The following MAP3K2 variants were observed in gnomAD, a reference collection of about 807,000 sequenced individuals.
The protein encoded by MAP3K2 is MAP/ERK kinase kinase 2.
A neutral mutation model predicts 80.3 loss-of-function variants in MAP3K2; 24 were observed. That is an observed-to-expected ratio of 0.30 (90% confidence interval 0.22 to 0.42). MAP3K2 has a LOEUF of 0.42. Ranked by LOEUF, MAP3K2 falls within the 10% of genes least tolerant of loss-of-function variation. The pLI is 1.00. For synonymous variants in MAP3K2, 244 were observed against 253.7 expected, an observed-to-expected ratio of 0.96 and a Z score of 0.36; for missense variants, 608 against 750.1, an observed-to-expected ratio of 0.81 and a Z score of 2.21.
intron 5 of MAP3K2, among the ~76,000 whole-genome samples, chr2:127,330,854 A>G (rs1182708675): frequency 6.6e-6 from 1 of 152,234 alleles, no homozygotes. Context: ...CAAAGACCAT[A>G]TGAAATAAAG....
chr2:127,328,864 T>A (rs72845976), intron 7 of MAP3K2, among the ~76,000 whole-genome samples: 37,382 of 152,098 alleles, frequency 0.25, 4,823 homozygotes, highest in Middle Eastern at 0.31. Flanking sequence ...CATTTGTTTT[T>A]CCTCCTCTTT....
Position 127,307,311 on chromosome 2 carries a change from G to T in MAP3K2, c.*268C>A, listed in dbSNP as rs1421008946. ...CTAAAAAGAGTGACTATGTACTAAA[G>T]TGCTTTATCTCTCTGAACCACATCA... On this transcript the variant is annotated 3_prime_UTR_variant, in exon 17 of 17. Coordinates refer to ENST00000682094, the MANE Select transcript of MAP3K2 (RefSeq NM_001371910.2). The surrounding 1 kb of genome is among the most constrained non-coding windows in gnomAD (Gnocchi z 5.4). 1.4e-5 allele frequency: 3 copies of T among 213,054 alleles called. No homozygotes were observed. The highest frequency in any genetic ancestry group is 4.7e-5 in the African/African-American group (2 of 42,978). The allele number at this position is 213,054 out of a possible 1,614,324, so 13.2% of individuals were successfully genotyped here.
chr2:127,367,027 C>T (rs1470939687), intron 1 of MAP3K2, among the ~76,000 whole-genome samples: 1 of 152,066 alleles, frequency 6.6e-6, no homozygotes, highest in African/African-American at 2.4e-5. Context: ...TGCACCACCA[C>T]ACTCGGCTAA....
In MAP3K2 at chr2:127,322,695, G is replaced by A. The variant is rs1573983191; in HGVS notation, c.839-443C>T. Among the ~76,000 whole-genome samples the A allele has an allele frequency of 6.6e-6, 1 of 152,180 alleles. No individual in the cohort carries two copies. The highest frequency in any genetic ancestry group is 1.5e-5 in the Non-Finnish European group (1 of 67,996). On this transcript the variant is annotated intron_variant, in intron 11 of 16. Transcript: ENST00000682094. The surrounding 1 kb of genome is among the most constrained non-coding windows in gnomAD (Gnocchi z 4.2). ...TGCAACCTCCGCCTCCAGGGTTCAA[G>A]CGATTCTCCTGTCTCAGCCTCCCAA...
intron 4 of MAP3K2, among the ~76,000 whole-genome samples, chr2:127,337,006 G>A (rs955045629): frequency 6.6e-6 from 1 of 152,120 alleles, no homozygotes. Context: ...GCCAGGCATG[G>A]TGGCTGTTGC....
intron 1 of MAP3K2, among the ~76,000 whole-genome samples, chr2:127,372,937 G>A (rs1363320451): frequency 6.6e-6 from 1 of 152,172 alleles, no homozygotes; most frequent in Non-Finnish European, 1.5e-5. Flanking sequence ...TGCAACCTAT[G>A]GGGCCCCTTC....
chr2:127,322,222 G>A lies in MAP3K2; in HGVS notation c.869C>T (p.Thr290Ile). The change falls in exon 12 of 17, where the codon ACC (threonine) becomes ATC (isoleucine). Residue 290 changes from threonine (T) to isoleucine (I), a missense_variant. Physicochemically the swap from Thr to Ile is moderately conservative, Grantham distance 89. This residue lies in a region of MAP3K2 where 467 missense variants were observed against 521.9 expected (regional missense o/e 0.89). Coordinates refer to ENST00000682094, the MANE Select transcript of MAP3K2 (RefSeq NM_001371910.2). The surrounding 1 kb of genome is among the most constrained non-coding windows in gnomAD (Gnocchi z 4.2). Reference sequence around the variant, plus strand: ...AGGAGACCGTAAGCTGGTCCCCTGGGTCCTTCTAGCTCTTGGAAAAGTTTT... The same window carrying A: ...AGGAGACCGTAAGCTGGTCCCCTGGATCCTTCTAGCTCTTGGAAAAGTTTT... The part of the protein sequence containing the change: ...GRKTFPRARR[T>I]QGTSLRSPVS... The A allele has an allele frequency of 1.2e-6, 2 of 1,613,862 alleles. No homozygotes were observed. The highest frequency in any genetic ancestry group is 1.7e-6 in the Non-Finnish European group (2 of 1,179,826).
At chr2:127,362,029 C>A (rs866783454) in intron 1 of MAP3K2, among the ~76,000 whole-genome samples, 1 of 152,130 alleles carries the variant, frequency 6.6e-6, no homozygotes, top group Admixed American at 6.5e-5. Flanking sequence ...CAACTCTAAG[C>A]GGCAAATTGA....
intron 7 of MAP3K2, among the ~76,000 whole-genome samples, chr2:127,329,052 A>T (rs1274608610): frequency 6.6e-6 from 1 of 152,228 alleles, no homozygotes; most frequent in Admixed American, 6.5e-5. Flanking sequence ...AACAGACAGA[A>T]TGGGGAGTTG....
At chr2:127,368,285 G>A (rs2104883197) in intron 1 of MAP3K2, among the ~76,000 whole-genome samples, 1 of 151,586 alleles carries the variant, frequency 6.6e-6, no homozygotes, top group Admixed American at 6.6e-5. Flanking sequence ...TCACACCACT[G>A]CACTCCAGCC....
intron 1 of MAP3K2, among the ~76,000 whole-genome samples, chr2:127,358,138 A>T (rs2104868896): frequency 6.6e-6 from 1 of 152,348 alleles, no homozygotes; most frequent in South Asian, 2.1e-4. Flanking sequence ...AAAGACAAAC[A>T]TTAAGATTAG....
chr2:127,308,769 A>G lies in MAP3K2; in HGVS notation c.1457-7T>C. ...TCTCGCAGGATATTTGCGCCTAAAA[A>G]TAAGACATTGCCTCATTTCATTAAT... On this transcript the variant is annotated splice_polypyrimidine_tract_variant and splice_region_variant and intron_variant, in intron 15 of 16. Transcript: ENST00000682094. 1 of 1,611,092 alleles carries G rather than the reference A, an allele frequency of 6.2e-7. No homozygotes were observed. The highest frequency in any genetic ancestry group is 8.5e-7 in the Non-Finnish European group (1 of 1,177,936).
rs368593884 is a variant in MAP3K2, at chr2:127,314,489, G to A, written c.1456+265C>T. On this transcript the variant is annotated intron_variant, in intron 15 of 16. Transcript: ENST00000682094. ...TTAGCCAATCTATCCTAATACCTATGCAATATGTATGAAAACATGATCTCA... is the reference window on the plus strand; with the variant it reads ...TTAGCCAATCTATCCTAATACCTATACAATATGTATGAAAACATGATCTCA... Among the ~76,000 whole-genome samples, 3 of 151,930 alleles carry A rather than the reference G, an allele frequency of 2.0e-5. No homozygotes were observed. The South Asian group carries it at 6.2e-4, about 32-fold the overall frequency.
At chr2:127,388,075 G>A, upstream of MAP3K2, 1 of 984,022 alleles carries the variant, frequency 1.0e-6, no homozygotes, top group Non-Finnish European at 1.2e-6. Flanking sequence ...GCCCGGCCCA[G>A]GGGAGTGGGT....
rs557360721 is a variant in MAP3K2 at position 127,325,402 on chromosome 2, A to C, written c.677+326T>G. ...TAAAAAAGAAAACTACAGTAAGCTG[A>C]GCATGGTGGCTCATGTGTGTAATCC... On this transcript the variant is annotated intron_variant, in intron 9 of 16. Transcript: ENST00000682094. 6.6e-5 allele frequency among the ~76,000 whole-genome samples: 10 copies of C among 152,280 alleles called. No homozygotes were observed. In the East Asian group the frequency reaches 1.5e-3, roughly 24 times the overall value.
At position 127,322,630 on chromosome 2, in the gene MAP3K2, G is replaced by A. The variant is rs1686048552; in HGVS notation, c.839-378C>T. ...CTTTTTGAGATGGAGTTTCACTCTT[G>A]TTGCCCAGGCTGGAGTGCAGTGGTA... On this transcript the variant is annotated intron_variant, in intron 11 of 16. Coordinates refer to ENST00000682094, the MANE Select transcript of MAP3K2 (RefSeq NM_001371910.2). The surrounding 1 kb of genome is among the most constrained non-coding windows in gnomAD (Gnocchi z 4.2). Among the ~76,000 whole-genome samples, 1 of 152,046 alleles carries A rather than the reference G, an allele frequency of 6.6e-6. No individual in the cohort carries two copies. The highest frequency in any genetic ancestry group is 1.5e-5 in the Non-Finnish European group (1 of 68,012).
chr2:127,311,215 G>C (rs1163160448), intron 15 of MAP3K2, among the ~76,000 whole-genome samples: 1 of 152,170 alleles, frequency 6.6e-6, no homozygotes, highest in Non-Finnish European at 1.5e-5. Flanking sequence ...CATGACATTA[G>C]TGATCTTCTG....
At chr2:127,318,554 T>C (rs891572830) in intron 12 of MAP3K2, among the ~76,000 whole-genome samples, 7 of 152,160 alleles carry the variant, frequency 4.6e-5, no homozygotes, top group Non-Finnish European at 1.0e-4. Context: ...TTTTCTGAAA[T>C]TGTTTTCCTA....
At chr2:127,370,082 G>C (rs1687036098) in intron 1 of MAP3K2, among the ~76,000 whole-genome samples, 1 of 150,852 alleles carries the variant, frequency 6.6e-6, no homozygotes, top group African/African-American at 2.4e-5. Flanking sequence ...CATGGAACCT[G>C]GCCTAAATCA....
Sources: gnomAD v4.1 joint callset for allele counts (sites outside exome capture counted in the v4.1 genomes callset) on GRCh38, gnomAD v4.1.1 for gene constraint, gnomAD v4.1.1 regional missense constraint, Gnocchi (gnomAD v3.1) non-coding constraint, MANE v1.5 for transcripts, NCBI Gene and HGNC (gene_info 2026-07-23, HGNC 2026-07-21) for gene names.